NEMP1: variants seen among roughly 807,000 people sequenced by gnomAD.
The protein encoded by NEMP1 is transmembrane protein 194.
In NEMP1, 29 loss-of-function variants were observed where a neutral mutation model predicts 53.7. The ratio of observed to expected loss-of-function variants is 0.54; its 90% confidence interval spans 0.40 to 0.74. NEMP1 has a LOEUF of 0.74. Among genes scored for constraint, NEMP1 ranks in the 30% least tolerant of loss-of-function variants. The probability of loss-of-function intolerance (pLI) is 0.00; values close to 1 mark genes in which losing one functional copy is unlikely to be tolerated. For missense variants in NEMP1, 477 were observed against 528.6 expected (o/e 0.90, Z 0.96); for synonymous variants, 193 against 192.9 (o/e 1.00, Z 0.00).
chr12:57,068,855 C>T (rs1280848026), intron 4 of NEMP1, among the ~76,000 whole-genome samples: 1 of 152,108 alleles, frequency 6.6e-6, no homozygotes, highest in Non-Finnish European at 1.5e-5. Flanking sequence ...CGTGAGCCAC[C>T]GTACCCAGAA....
chr12:57,059,637 G>T lies in NEMP1; in HGVS notation c.*242C>A. 5.4e-6 allele frequency: 2 copies of T among 373,354 alleles called. No homozygotes were observed. The highest frequency in any genetic ancestry group is 8.2e-5 in the Admixed American group (2 of 24,412). The allele number at this position is 373,354 out of a possible 1,614,324, so 23.1% of individuals were successfully genotyped here. On this transcript the variant is annotated 3_prime_UTR_variant, in exon 9 of 9. Transcript: ENST00000300128. The stretch of plus-strand genomic sequence containing the variant: ...TTCTCTGGAAACATAAAAGTGGGCT[G>T]TTAGCTTAACCAATGGGAAGTGAAC...
chr12:57,057,448 C>T lies in NEMP1; in HGVS notation c.*2431G>A, dbSNP rs2031581340. ...GCAAACTAAGTGGCCAAGAGGGAGA[C>T]AAGAGCAGCTCCTAAAGAAGGTTGA... On this transcript the variant is annotated 3_prime_UTR_variant, in exon 9 of 9. Transcript: ENST00000300128. The T allele has an allele frequency of 6.6e-6, 1 of 152,278 alleles. No individual in the cohort carries two copies. Among genetic ancestry groups the T allele is most frequent in the Non-Finnish European group, 1.5e-5 (1 of 68,110 alleles). The allele number at this position is 152,278 out of a possible 1,614,324, so 9.4% of individuals were successfully genotyped here. A position where few individuals can be genotyped will look rare whatever the true frequency, so the allele number is the denominator to read the frequency against.
At chr12:57,079,523 C>G (rs1218635492), upstream of NEMP1, among the ~76,000 whole-genome samples, 1 of 152,192 alleles carries the variant, frequency 6.6e-6, no homozygotes, top group Non-Finnish European at 1.5e-5. Context: ...GTGATCCCAA[C>G]CTAAATCCTA....
rs773664411 is a variant in NEMP1 at position 57,072,826 on chromosome 12, G to A, written c.214C>T (p.Leu72Phe). 7 of 1,613,366 alleles carry A rather than the reference G, an allele frequency of 4.3e-6. No homozygotes were observed. In the Admixed American group the frequency reaches 5.0e-5, roughly 12 times the overall value. The change falls in exon 2 of 9, where the codon CTT becomes TTT. Residue 72 changes from leucine (L) to phenylalanine (F), a missense_variant. By Grantham distance (22) the Leu-to-Phe change is conservative (BLOSUM62 0). Coordinates refer to ENST00000300128, the MANE Select transcript of NEMP1 (RefSeq NM_001130963.2). ...CATATATCATGCCATTTTGGGATAA[G>A]CACATTTGTGTAACAGAATTGTTGG... is the stretch of plus-strand genomic sequence containing the variant. ...ASQQFCYTNVLIPKWHDIWTR... is the reference protein window; with the variant it reads ...ASQQFCYTNVFIPKWHDIWTR...
intron 1 of NEMP1, among the ~76,000 whole-genome samples, chr12:57,075,839 A>G (rs2032589440): frequency 6.6e-6 from 1 of 151,700 alleles, no homozygotes; most frequent in Admixed American, 6.6e-5. Flanking sequence ...ATGGTGGCAC[A>G]CACCTGTAAT....
At position 57,058,426 on chromosome 12, in the gene NEMP1, G is replaced by A. The variant is rs544812959; in HGVS notation, c.*1453C>T. On this transcript the variant is annotated 3_prime_UTR_variant, in exon 9 of 9. Coordinates refer to ENST00000300128, the MANE Select transcript of NEMP1 (RefSeq NM_001130963.2). ...ATGACCATCTATCTTCCTGGCTAAG[G>A]TAATTACAGACTTTTCCAGGGTATA... 9 of 152,182 alleles carry A rather than the reference G, an allele frequency of 5.9e-5. No individual in the cohort carries two copies. Among genetic ancestry groups the A allele is most frequent in the Non-Finnish European group, 8.8e-5 (6 of 68,028 alleles). 9.4% of individuals were successfully genotyped at this position (152,182 alleles called of 1,614,324 possible). A position where few individuals can be genotyped will look rare whatever the true frequency, so the allele number is the denominator to read the frequency against.
chr12:57,084,382 T>C (rs531400204), intron 1 of NEMP1, among the ~76,000 whole-genome samples: 3 of 152,198 alleles, frequency 2.0e-5, no homozygotes, highest in Non-Finnish European at 2.9e-5. Flanking sequence ...TTCCACATAC[T>C]CAGTCACCCA....
rs1169572598 is a variant in NEMP1 at position 57,058,494 on chromosome 12, C to A, written c.*1385G>T. ...GAAAAAGAACCAAGTAAATGACAGA[C>A]ACTTGAGAATTTGCTTCCTCACAGA... On this transcript the variant is annotated 3_prime_UTR_variant, in exon 9 of 9. Transcript: ENST00000300128. The A allele has an allele frequency of 6.6e-6, 1 of 152,194 alleles. No homozygotes were observed. The highest frequency in any genetic ancestry group is 1.5e-5 in the Non-Finnish European group (1 of 68,038). 9.4% of individuals were successfully genotyped at this position (152,194 alleles called of 1,614,324 possible). A position where few individuals can be genotyped will look rare whatever the true frequency, so the allele number is the denominator to read the frequency against.
rs934489537 is a variant in NEMP1 at position 57,058,558 on chromosome 12, A to T, written c.*1321T>A. 2 of 152,248 alleles carry T rather than the reference A, an allele frequency of 1.3e-5. No individual in the cohort carries two copies. Among genetic ancestry groups the T allele is most frequent in the Admixed American group, 6.5e-5 (1 of 15,286 alleles). 9.4% of individuals were successfully genotyped at this position (152,248 alleles called of 1,614,324 possible). On this transcript the variant is annotated 3_prime_UTR_variant, in exon 9 of 9. Coordinates refer to ENST00000300128, the MANE Select transcript of NEMP1 (RefSeq NM_001130963.2). ...TTATAAGGGGTACTTTGCAATGGCA[A>T]AAGAATCTGAAACTAATGCTACTGC...
chr12:57,076,073 G>C (rs1172131325), intron 1 of NEMP1, among the ~76,000 whole-genome samples: 1 of 152,090 alleles, frequency 6.6e-6, no homozygotes, highest in Non-Finnish European at 1.5e-5. Context: ...GGGCAACAGA[G>C]CAAGACTCCA....
upstream of NEMP1, among the ~76,000 whole-genome samples, chr12:57,088,550 TA>T (rs1018687882): frequency 9.9e-5 from 15 of 152,136 alleles, no homozygotes; most frequent in African/African-American, 3.6e-4. Flanking sequence ...AAGGCCTGAG[TA>T]TGGGCAACGG....
At position 57,059,666 on chromosome 12, in the gene NEMP1, C is replaced by A. The variant is rs187833298; in HGVS notation, c.*213G>T. 1.5e-4 allele frequency: 74 copies of A among 477,514 alleles called. 1 individual carries two copies. Among genetic ancestry groups the A allele is most frequent in the East Asian group, 1.4e-3 (45 of 31,620 alleles). 29.6% of individuals were successfully genotyped at this position (477,514 alleles called of 1,614,324 possible). ...GCTTAACCAATGGGAAGTGAACTAC[C>A]CAGCATTCACTACTTTATCCACTCT... On this transcript the variant is annotated 3_prime_UTR_variant, in exon 9 of 9. Coordinates refer to ENST00000300128, the MANE Select transcript of NEMP1 (RefSeq NM_001130963.2).
chr12:57,088,552 T>C (rs527474025), upstream of NEMP1, among the ~76,000 whole-genome samples: 1 of 152,294 alleles, frequency 6.6e-6, no homozygotes, highest in Admixed American at 6.5e-5. Context: ...GGCCTGAGTA[T>C]GGGCAACGGG....
chr12:57,081,934 G>A (rs957364364), upstream of NEMP1, among the ~76,000 whole-genome samples: 12 of 134,598 alleles, frequency 8.9e-5, no homozygotes, highest in Admixed American at 1.5e-4. Context: ...AAAAAAACAC[G>A]GAGGCTGAGC....
At chr12:57,070,994 AG>A (rs2032320192) in intron 2 of NEMP1, 101 bp from the exon 3 acceptor site, 2 of 871,474 alleles carry the variant, frequency 2.3e-6, no homozygotes, top group Non-Finnish European at 3.5e-6. Flanking sequence ...CAACCAAATC[AG>A]TAATGGTGCC....
At chr12:57,085,055 C>T (rs1286292167) in intron 1 of NEMP1, among the ~76,000 whole-genome samples, 1 of 152,214 alleles carries the variant, frequency 6.6e-6, no homozygotes, top group Admixed American at 6.5e-5. Flanking sequence ...ACCCACCACC[C>T]AGCAATAATG....
intron 1 of NEMP1, among the ~76,000 whole-genome samples, chr12:57,085,064 T>C (rs941336429): frequency 7.2e-5 from 11 of 152,298 alleles, no homozygotes; most frequent in African/African-American, 2.6e-4. Context: ...CCAGCAATAA[T>C]GAACAACCTT....
chr12:57,060,840 G>A lies in NEMP1; in HGVS notation c.1086C>T (p.Leu362=). 6.2e-7 allele frequency: 1 copy of A among 1,614,104 alleles called. No individual in the cohort carries two copies. Among genetic ancestry groups the A allele is most frequent in the Non-Finnish European group, 8.5e-7 (1 of 1,180,004 alleles). Residue 362 remains leucine (L), a synonymous_variant, in exon 8 of 9, where the codon CTC becomes CTT. Coordinates refer to ENST00000300128, the MANE Select transcript of NEMP1 (RefSeq NM_001130963.2). ...EVETRKALEE[L]REFCNSPDCS... The stretch of plus-strand genomic sequence containing the variant: ...AGTCTGGACTGTTACAAAATTCTCG[G>A]AGCTCCTCTAAAGCCTTTCGGGTTT...
At chr12:57,083,093 A>T (rs939240544), upstream of NEMP1, among the ~76,000 whole-genome samples, 2 of 152,194 alleles carry the variant, frequency 1.3e-5, no homozygotes, top group Non-Finnish European at 2.9e-5. Flanking sequence ...ATGTGTAGGT[A>T]TATATACACA....
Sources: allele counts gnomAD v4.1 joint callset (sites outside exome capture counted in the v4.1 genomes callset), GRCh38; gene constraint gnomAD v4.1.1; transcripts MANE v1.5; gene names NCBI Gene and HGNC (gene_info 2026-07-23, HGNC 2026-07-21).